Variants in FOXO3 observed in about 807,000 individuals in gnomAD.
FOXO3 encodes the protein forkhead box O3, also known as forkhead box protein O3.
In FOXO3, 4 loss-of-function variants were observed where a neutral mutation model predicts 41.9. That is an observed-to-expected ratio of 0.10 (90% confidence interval 0.05 to 0.22). The LOEUF (loss-of-function observed/expected upper bound fraction) is 0.22. Ranked by LOEUF, FOXO3 falls within the 10% of genes least tolerant of loss-of-function variation. FOXO3 has a pLI of 1.00. For missense variants in FOXO3, 534 were observed against 906.8 expected (o/e 0.59, Z 5.28); for synonymous variants, 318 against 389.3 (o/e 0.82, Z 2.16).
At chr6:108,646,859 T>C (rs1778405238) in intron 1 of FOXO3, among the ~76,000 whole-genome samples, 1 of 152,188 alleles carries the variant, frequency 6.6e-6, no homozygotes, top group Non-Finnish European at 1.5e-5. Flanking sequence ...ATGTGTTGAG[T>C]CTTCCACATG....
chr6:108,572,762 C>A (rs1183561649), intron 1 of FOXO3, among the ~76,000 whole-genome samples: 1 of 151,944 alleles, frequency 6.6e-6, no homozygotes, highest in Non-Finnish European at 1.5e-5. Flanking sequence ...TTTATTGAGC[C>A]CTTATTATGT....
chr6:108,613,018 C>T (rs1777406708), intron 1 of FOXO3, among the ~76,000 whole-genome samples: 1 of 152,122 alleles, frequency 6.6e-6, no homozygotes, highest in South Asian at 2.1e-4. Context: ...TTGAGAAGAT[C>T]AGATGGTTTT....
At chr6:108,598,931 A>T (rs900961636) in intron 1 of FOXO3, among the ~76,000 whole-genome samples, 1 of 152,100 alleles carries the variant, frequency 6.6e-6, no homozygotes, top group African/African-American at 2.4e-5. Flanking sequence ...GCCGGCAAGG[A>T]GTTTCTCTAA....
intron 1 of FOXO3, 123 bp downstream of exon 1, chr6:108,561,952 C>G: frequency 7.3e-7 from 1 of 1,373,070 alleles, no homozygotes; most frequent in Non-Finnish European, 9.5e-7. Context: ...GGGGGAGCCT[C>G]CGCTGCGAGG....
chr6:108,677,158 G>T (rs960650340), intron 2 of FOXO3, among the ~76,000 whole-genome samples: 11 of 152,226 alleles, frequency 7.2e-5, no homozygotes, highest in Admixed American at 6.5e-4. Flanking sequence ...GGGGACCTCA[G>T]CGGAAGCTGT....
intron 1 of FOXO3, among the ~76,000 whole-genome samples, chr6:108,592,860 T>C (rs1434378842): frequency 1.3e-5 from 2 of 152,250 alleles, no homozygotes; most frequent in South Asian, 4.1e-4. Context: ...GTGCACGTGG[T>C]AATTGAGTGC....
Position 108,630,055 on chromosome 6 carries a change from T to C in FOXO3, c.622-33400T>C, listed in dbSNP as rs553491826. On this transcript the variant is annotated intron_variant, in intron 1 of 2. Transcript: ENST00000406360. ...TTCTACTATATTGGTCTAAACTCTA[T>C]GTTGCTCCTTCCTGAGAGAAGATAG... Among the ~76,000 whole-genome samples, 4 of 152,354 alleles carry C rather than the reference T, an allele frequency of 2.6e-5. No homozygotes were observed. The East Asian group carries it at 7.7e-4, about 29-fold the overall frequency.
chr6:108,580,882 G>T (rs1023259394), intron 1 of FOXO3, among the ~76,000 whole-genome samples: 1 of 152,196 alleles, frequency 6.6e-6, no homozygotes, highest in Admixed American at 6.5e-5. Flanking sequence ...GTGAAGTGTG[G>T]TTATTCTTAG....
intron 2 of FOXO3, among the ~76,000 whole-genome samples, chr6:108,675,900 C>A (rs185101118): frequency 6.6e-6 from 1 of 152,114 alleles, no homozygotes; most frequent in Admixed American, 6.5e-5. Flanking sequence ...GCAGTAGGAA[C>A]ATTTATGTTT....
intron 1 of FOXO3, among the ~76,000 whole-genome samples, chr6:108,608,220 G>C (rs1777262210): frequency 6.6e-6 from 1 of 152,178 alleles, no homozygotes; most frequent in South Asian, 2.1e-4. Context: ...TCTATACTCA[G>C]AATCATCTTT....
intron 1 of FOXO3, among the ~76,000 whole-genome samples, chr6:108,565,258 C>T (rs1471676895): frequency 6.6e-6 from 1 of 152,036 alleles, no homozygotes; most frequent in Non-Finnish European, 1.5e-5. Flanking sequence ...AAGAGGAAGC[C>T]CTTGGTTACT....
At chr6:108,632,188 G>T (rs1300302481) in intron 1 of FOXO3, among the ~76,000 whole-genome samples, 2 of 152,218 alleles carry the variant, frequency 1.3e-5, no homozygotes, top group African/African-American at 4.8e-5. Context: ...GTTTGTTTTA[G>T]ATGCGGTGCT....
At chr6:108,660,228 A>T (rs149212815) in intron 1 of FOXO3, among the ~76,000 whole-genome samples, 3 of 152,302 alleles carry the variant, frequency 2.0e-5, no homozygotes, top group East Asian at 1.9e-4. Flanking sequence ...CTTTCTGAAC[A>T]CTGCAGAGTA....
At chr6:108,618,276 T>C (rs1777570300) in intron 1 of FOXO3, 2 of 741,814 alleles carry the variant, frequency 2.7e-6, no homozygotes, top group Non-Finnish European at 5.0e-6. Flanking sequence ...TGGGGCTTTT[T>C]GTCAGCCATG....
chr6:108,572,744 A>T (rs993167480), intron 1 of FOXO3, among the ~76,000 whole-genome samples: 1 of 152,240 alleles, frequency 6.6e-6, no homozygotes, highest in African/African-American at 2.4e-5. Flanking sequence ...CAATAATAGT[A>T]GCTGTGATTT....
At chr6:108,592,597 G>C (rs1217291830) in intron 1 of FOXO3, among the ~76,000 whole-genome samples, 5 of 152,194 alleles carry the variant, frequency 3.3e-5, no homozygotes, top group African/African-American at 1.2e-4. Flanking sequence ...TTTTTAAGTA[G>C]GGGTTCTGGT....
chr6:108,671,496 A>AT (rs1218363708), intron 2 of FOXO3, among the ~76,000 whole-genome samples: 3 of 152,354 alleles, frequency 2.0e-5, no homozygotes, highest in African/African-American at 7.2e-5. Context: ...CCTGCAGTCA[A>AT]GTCCCTCATC....
intron 1 of FOXO3, among the ~76,000 whole-genome samples, chr6:108,645,382 G>A (rs543040464): frequency 6.6e-6 from 1 of 151,626 alleles, no homozygotes; most frequent in South Asian, 2.1e-4. Flanking sequence ...CCAGTAAATG[G>A]TAAGACCATA....
At chr6:108,634,296 A>T (rs1346334708) in intron 1 of FOXO3, among the ~76,000 whole-genome samples, 2 of 152,150 alleles carry the variant, frequency 1.3e-5, no homozygotes, top group Non-Finnish European at 2.9e-5. Context: ...GAGGGTGAAG[A>T]TGGGGTTTCT....
Sources: gnomAD v4.1 joint callset for allele counts (sites outside exome capture counted in the v4.1 genomes callset) on GRCh38, gnomAD v4.1.1 for gene constraint, MANE v1.5 for transcripts, NCBI Gene and HGNC (gene_info 2026-07-23, HGNC 2026-07-21) for gene names.